The following DRC1 variants were observed in gnomAD, a reference collection of about 807,000 sequenced individuals.
The protein encoded by DRC1 is dynein regulatory complex protein 1.
Under a neutral mutation model 98.7 loss-of-function variants are expected in DRC1, and 74 were observed. The ratio of observed to expected loss-of-function variants is 0.75; its 90% CI spans 0.62 to 0.91. DRC1 has a LOEUF of 0.91. Among genes scored for constraint, DRC1 ranks in the 40% least tolerant of loss-of-function variants. DRC1 has a pLI of 0.00. For missense variants in DRC1, 875 were observed against 886.0 expected (o/e 0.99, Z 0.16); for synonymous variants, 336 against 334.1 (o/e 1.01, Z -0.06).
intron 3 of DRC1, among the ~76,000 whole-genome samples, chr2:26,424,010 G>C (rs966978904): frequency 6.6e-6 from 1 of 152,102 alleles, no homozygotes; most frequent in Non-Finnish European, 1.5e-5. Flanking sequence ...GCGTGTGCAC[G>C]CGTGTGTATG....
At position 26,440,596 on chromosome 2, in the gene DRC1, A is replaced by G. The variant is rs768445574; in HGVS notation, c.1028+79A>G. 4.1e-6 allele frequency: 6 copies of G among 1,457,338 alleles called. No individual in the cohort carries two copies. In the Admixed American group the frequency reaches 9.7e-5, roughly 24 times the overall value. The allele number at this position is 1,457,338 out of a possible 1,614,324, so 90.3% of individuals were successfully genotyped here. On this transcript the variant is annotated intron_variant, in intron 8 of 16. Coordinates refer to ENST00000288710, the MANE Select transcript of DRC1 (RefSeq NM_145038.5). The stretch of plus-strand genomic sequence containing the variant: ...GATGGATATGTACTTTTTTCTATTG[A>G]AGGGGTAGAAACCATTAAAAATATA...
In DRC1 at chr2:26,424,408, C is replaced by T. The variant is rs754721769; in HGVS notation, c.494C>T (p.Ala165Val). The T allele has an allele frequency of 1.7e-5, 27 of 1,613,668 alleles. No individual in the cohort carries two copies. Among genetic ancestry groups the T allele is most frequent in the Non-Finnish European group, 1.9e-5 (23 of 1,179,988 alleles). The change falls in exon 4 of 17, where the codon GCT (alanine) becomes GTT (valine). Residue 165 changes from alanine to valine, a missense_variant. Physicochemically the swap from Ala to Val is moderately conservative, Grantham distance 64. Transcript: ENST00000288710. ...CTCAATACCCAACAGCTGCACTGTG[C>T]TGGACTCTTAGAAGATAAGAATAAA... ...EMLNTQQLHCAGLLEDKNKLI... is the reference protein window; with the variant it reads ...EMLNTQQLHCVGLLEDKNKLI...
In DRC1 at chr2:26,401,969, T is replaced by C. The variant is rs773628023; in HGVS notation, c.-21T>C. On this transcript the variant is annotated 5_prime_UTR_variant, in exon 1 of 17. Coordinates refer to ENST00000288710, the MANE Select transcript of DRC1 (RefSeq NM_145038.5). ...TGGAGGTGGTGCGGAGGGAGCCGCC[T>C]AGGGACCAGGGACTCCTGCCATGAA... The C allele has an allele frequency of 6.3e-7, 1 of 1,584,038 alleles. No individual in the cohort carries two copies. The highest frequency in any genetic ancestry group is 8.6e-7 in the Non-Finnish European group (1 of 1,165,454).
intron 7 of DRC1, among the ~76,000 whole-genome samples, chr2:26,433,495 T>C (rs182443292): frequency 7.2e-5 from 11 of 152,366 alleles, no homozygotes; most frequent in Admixed American, 5.2e-4. Context: ...ACAATAGCAC[T>C]ATTTCTGTGG....
chr2:26,430,127 G>A (rs1398059107), intron 5 of DRC1, among the ~76,000 whole-genome samples: 1 of 152,096 alleles, frequency 6.6e-6, no homozygotes, highest in African/African-American at 2.4e-5. Context: ...AAGAGGTTGG[G>A]GAATAAAAAA....
At chr2:26,449,776 TTTGTCCCTGGCCTTGC>T (rs1329402672) in intron 11 of DRC1, among the ~76,000 whole-genome samples, 3 of 152,154 alleles carry the variant, frequency 2.0e-5, no homozygotes, top group Non-Finnish European at 4.4e-5. Context: ...GAGGATGGGC[TTTGTCCCTGGCCTTGC>T]TTGTCTCTGG....
rs1437569795 is a variant in DRC1, at chr2:26,454,983, A to G, written c.2064-148A>G. The G allele has an allele frequency of 1.5e-6, 2 of 1,321,842 alleles. No homozygotes were observed. The highest frequency in any genetic ancestry group is 2.1e-6 in the Non-Finnish European group (2 of 931,620). 81.9% of individuals were successfully genotyped at this position (1,321,842 alleles called of 1,614,324 possible). On this transcript the variant is annotated intron_variant, in intron 15 of 16. Coordinates refer to ENST00000288710, the MANE Select transcript of DRC1 (RefSeq NM_145038.5). The surrounding 1 kb of genome is among the most constrained non-coding windows in gnomAD (Gnocchi z 5.2). ...CTGGCCTGCCTGTTCTGTTCCTGCTAACCTGGCTCACCTGGCGGCTGGGTG... is the reference window on the plus strand; with the variant it reads ...CTGGCCTGCCTGTTCTGTTCCTGCTGACCTGGCTCACCTGGCGGCTGGGTG...
Position 26,401,950 on chromosome 2 carries a change from T to A in DRC1, c.-40T>A, listed in dbSNP as rs114557669. 6.4e-7 allele frequency: 1 copy of A among 1,560,258 alleles called. No individual in the cohort carries two copies. Among genetic ancestry groups the A allele is most frequent in the Admixed American group, 1.9e-5 (1 of 52,394 alleles). ...TAGCAACCAGCCTGAGGTCTGGAGG[T>A]GGTGCGGAGGGAGCCGCCTAGGGAC... is the stretch of plus-strand genomic sequence containing the variant. On this transcript the variant is annotated 5_prime_UTR_variant, in exon 1 of 17. Coordinates refer to ENST00000288710, the MANE Select transcript of DRC1 (RefSeq NM_145038.5).
chr2:26,405,786 G>A (rs554044323), intron 1 of DRC1, among the ~76,000 whole-genome samples: 105 of 150,282 alleles, frequency 7.0e-4, no homozygotes, highest in African/African-American at 2.4e-3. Context: ...TCAGCCTCCC[G>A]AGTAACTGGG....
chr2:26,441,987 T>C (rs1014353324), intron 8 of DRC1, among the ~76,000 whole-genome samples: 2 of 152,158 alleles, frequency 1.3e-5, no homozygotes, highest in African/African-American at 4.8e-5. Flanking sequence ...GACTGGATAA[T>C]TTACAAAGGC....
chr2:26,416,088 G>A (rs866570537), intron 2 of DRC1, among the ~76,000 whole-genome samples: 42 of 152,142 alleles, frequency 2.8e-4, no homozygotes, highest in African/African-American at 9.9e-4. Flanking sequence ...TTCATTAGCA[G>A]GTTTTGAAGG....
At chr2:26,421,120 G>T in intron 2 of DRC1, 168 bp from the exon 3 acceptor site, 1 of 513,292 alleles carries the variant, frequency 1.9e-6, no homozygotes, top group Non-Finnish European at 3.5e-6. Context: ...CAAATGTCCT[G>T]ATAGAAAAGG....
chr2:26,405,041 C>T (rs78134699), intron 1 of DRC1, among the ~76,000 whole-genome samples: 1,639 of 152,270 alleles, frequency 0.011, 36 homozygotes, highest in African/African-American at 0.037. Flanking sequence ...ATATATTTGC[C>T]GTTGTGTTCC....
At position 26,448,680 on chromosome 2, in the gene DRC1, C is replaced by T. The variant is rs765043642; in HGVS notation, c.1397-11C>T. 30 of 1,613,142 alleles carry T rather than the reference C, an allele frequency of 1.9e-5. No individual in the cohort carries two copies. In the African/African-American group the frequency reaches 2.8e-4, roughly 15 times the overall value. On this transcript the variant is annotated splice_polypyrimidine_tract_variant and intron_variant, in intron 10 of 16. Coordinates refer to ENST00000288710, the MANE Select transcript of DRC1 (RefSeq NM_145038.5). ...TTTTCTTTCTCTCTCCTCCCCATGA[C>T]CCAACTGCAGAAGAGGAGGAGGCAG...
rs553221247 is a variant in DRC1, at chr2:26,454,858, C to T, written c.2063+68C>T. On this transcript the variant is annotated intron_variant, in intron 15 of 16. Transcript: ENST00000288710. This position sits in a 1 kb window ranked among gnomAD's most constrained non-coding sequence, Gnocchi z 5.2. ...GTGAGGAACGGTTGTTGGGAGCAGC[C>T]GCGTTTGCTGCCTCCCTGTCCCACT... 202 of 1,601,962 alleles carry T rather than the reference C, an allele frequency of 1.3e-4. 2 individuals carry two copies. The East Asian group carries it at 3.8e-3, about 30-fold the overall frequency.
intron 1 of DRC1, among the ~76,000 whole-genome samples, chr2:26,407,056 G>A (rs1192367612): frequency 1.3e-5 from 2 of 152,048 alleles, no homozygotes; most frequent in African/African-American, 4.8e-5. Flanking sequence ...CAGAGCTCAA[G>A]TGATCCTGCC....
intron 1 of DRC1, among the ~76,000 whole-genome samples, chr2:26,410,420 TGCC>T (rs1558433782): frequency 6.6e-6 from 1 of 151,574 alleles, no homozygotes; most frequent in Admixed American, 6.6e-5. Context: ...TACAGACACC[TGCC>T]ACTATGCCCG....
Position 26,401,967 on chromosome 2 carries a change from C to T in DRC1, c.-23C>T, listed in dbSNP as rs1225159328. 6.3e-7 allele frequency: 1 copy of T among 1,580,824 alleles called. No individual in the cohort carries two copies. The highest frequency in any genetic ancestry group is 1.3e-5 in the African/African-American group (1 of 74,388). On this transcript the variant is annotated 5_prime_UTR_variant, in exon 1 of 17. Coordinates refer to ENST00000288710, the MANE Select transcript of DRC1 (RefSeq NM_145038.5). ...TCTGGAGGTGGTGCGGAGGGAGCCG[C>T]CTAGGGACCAGGGACTCCTGCCATG...
rs777533856 is a variant in DRC1, at chr2:26,455,141, A to G, written c.2074A>G (p.Thr692Ala). The change falls in exon 16 of 17, where the codon ACC (threonine) becomes GCC (alanine). Residue 692 changes from threonine to alanine, a missense_variant. Thr to Ala is a moderately conservative substitution (Grantham distance 58, BLOSUM62 0). Coordinates refer to ENST00000288710, the MANE Select transcript of DRC1 (RefSeq NM_145038.5). ...TTTTTCTGTCCAAAGCCTTGTCCTG[A>G]CCCAGAGGGCCAAGCTGCTGCTGGA... ...TALEKYHLVL[T>A]QRAKLLLENS... 1 of 1,613,954 alleles carries G rather than the reference A, an allele frequency of 6.2e-7. No homozygotes were observed. Among genetic ancestry groups the G allele is most frequent in the Non-Finnish European group, 8.5e-7 (1 of 1,180,022 alleles).
Sources: allele counts gnomAD v4.1 joint callset (sites outside exome capture counted in the v4.1 genomes callset), GRCh38; gene constraint gnomAD v4.1.1; non-coding constraint Gnocchi (gnomAD v3.1); transcripts MANE v1.5; gene names NCBI Gene and HGNC (gene_info 2026-07-23, HGNC 2026-07-21).